The following MDGA2 variants were observed in gnomAD, a reference collection of about 807,000 sequenced individuals.
MDGA2 encodes the protein MAM domain-containing glycosylphosphatidylinositol anchor protein 2.
MDGA2 carries 40 observed loss-of-function variants against 117.8 expected under a neutral mutation model. The observed-to-expected ratio is 0.34, with a 90% confidence interval of 0.26 to 0.44. The LOEUF is 0.44. Among genes scored for constraint, MDGA2 ranks in the 20% least tolerant of loss-of-function variants. MDGA2 has a pLI of 1.00. For missense variants in MDGA2, 1,123 were observed against 1,250.6 expected, an observed-to-expected ratio of 0.90 and a Z score of 1.54; for synonymous variants, 452 against 439.0, an observed-to-expected ratio of 1.03 and a Z score of -0.37.
At chr14:46,956,944 C>T (rs71418121) in intron 9 of MDGA2, among the ~76,000 whole-genome samples, 239 of 152,192 alleles carry the variant, frequency 1.6e-3, no homozygotes, top group Non-Finnish European at 2.7e-3. Context: ...TTGCTGCCAC[C>T]ATGTGAAGTA....
intron 8 of MDGA2, among the ~76,000 whole-genome samples, chr14:46,960,877 G>T (rs983481988): frequency 8.6e-6 from 1 of 116,618 alleles, no homozygotes. Context: ...ATATACACAT[G>T]TTTTATATAT....
chr14:46,886,115 CAT>C (rs1435137837), intron 10 of MDGA2, among the ~76,000 whole-genome samples: 7 of 152,230 alleles, frequency 4.6e-5, no homozygotes, highest in Admixed American at 2.6e-4. Flanking sequence ...GTCTTTCAAA[CAT>C]GTGTCCTTGA....
chr14:47,105,643 G>A (rs185410772), intron 5 of MDGA2, among the ~76,000 whole-genome samples: 3 of 151,714 alleles, frequency 2.0e-5, no homozygotes, highest in South Asian at 4.2e-4. Flanking sequence ...AATTCTTGTC[G>A]TAAAATAGGC....
At chr14:47,513,879 T>C (rs537742781) in intron 1 of MDGA2, among the ~76,000 whole-genome samples, 36 of 152,274 alleles carry the variant, frequency 2.4e-4, no homozygotes, top group African/African-American at 8.4e-4. Context: ...GTACCTTCCC[T>C]CTTTGTGTAA....
At chr14:47,528,971 T>C (rs1444937951) in intron 1 of MDGA2, among the ~76,000 whole-genome samples, 1 of 148,130 alleles carries the variant, frequency 6.8e-6, no homozygotes, top group Non-Finnish European at 1.5e-5. Flanking sequence ...CATTACCTCC[T>C]ATAGTGTCAA....
intron 9 of MDGA2, among the ~76,000 whole-genome samples, chr14:46,943,505 T>C (rs1375929597): frequency 6.6e-6 from 1 of 152,022 alleles, no homozygotes; most frequent in African/African-American, 2.4e-5. Flanking sequence ...TTCAAAAAAC[T>C]TTTGAAGGAT....
At chr14:47,070,331 T>G (rs1290021181) in intron 6 of MDGA2, among the ~76,000 whole-genome samples, 2 of 152,122 alleles carry the variant, frequency 1.3e-5, no homozygotes, top group African/African-American at 4.8e-5. Context: ...ACTTGAAAAT[T>G]TAGAGAAATT....
intron 1 of MDGA2, among the ~76,000 whole-genome samples, chr14:47,582,504 T>A (rs955112798): frequency 6.6e-6 from 1 of 151,948 alleles, no homozygotes; most frequent in African/African-American, 2.4e-5. Flanking sequence ...TTTGGAAACC[T>A]AATCATCTTC....
intron 1 of MDGA2, among the ~76,000 whole-genome samples, chr14:47,360,208 G>A (rs576669212): frequency 2.2e-4 from 33 of 151,788 alleles, no homozygotes; most frequent in African/African-American, 6.3e-4. Flanking sequence ...AAAATTAGCC[G>A]GATGTGGTGG....
At chr14:47,339,332 A>C (rs1401063435) in intron 1 of MDGA2, among the ~76,000 whole-genome samples, 1 of 152,176 alleles carries the variant, frequency 6.6e-6, no homozygotes, top group Non-Finnish European at 1.5e-5. Flanking sequence ...CATAATTAAT[A>C]AAAGTTTAAA....
At position 47,124,850 on chromosome 14, in the gene MDGA2, T is replaced by C. The variant is rs578222410; in HGVS notation, c.925+6864A>G. Among the ~76,000 whole-genome samples the C allele has an allele frequency of 1.9e-3, 287 of 152,040 alleles. 1 individual carries two copies. The highest frequency in any genetic ancestry group is 3.4e-3 in the Middle Eastern group (1 of 294). ...AGCAGCCATCCGCAAGCCAAGAAAATAGCCTTCACCAGAAACCAACCCTGA... is the reference window on the plus strand; with the variant it reads ...AGCAGCCATCCGCAAGCCAAGAAAACAGCCTTCACCAGAAACCAACCCTGA... On this transcript the variant is annotated intron_variant, in intron 5 of 16. Coordinates refer to ENST00000399232, the MANE Select transcript of MDGA2 (RefSeq NM_001113498.3).
At chr14:46,854,960 C>T (rs913726336) in intron 15 of MDGA2, 64 bp downstream of exon 15, 2 of 1,330,740 alleles carry the variant, frequency 1.5e-6, no homozygotes, top group Non-Finnish European at 1.0e-6. Context: ...AATATTTGCT[C>T]AAGATCCACC....
chr14:46,867,477 G>T (rs1881820769), intron 14 of MDGA2, among the ~76,000 whole-genome samples: 1 of 151,964 alleles, frequency 6.6e-6, no homozygotes, highest in Admixed American at 6.6e-5. Context: ...CACCAGCATG[G>T]CACATGTATA....
rs562713429 is a variant in MDGA2 at position 47,443,023 on chromosome 14, C to G, written c.281-141473G>C. Among the ~76,000 whole-genome samples, 34 of 152,228 alleles carry G rather than the reference C, an allele frequency of 2.2e-4. No homozygotes were observed. In the South Asian group the frequency reaches 6.4e-3, roughly 29 times the overall value. On this transcript the variant is annotated intron_variant, in intron 1 of 16. Coordinates refer to ENST00000399232, the MANE Select transcript of MDGA2 (RefSeq NM_001113498.3). ...TTCAAGTACCCTGATTTTACTTAAT[C>G]ATGGCCGCAATGTGCAAAAATAGTG...
intron 2 of MDGA2, among the ~76,000 whole-genome samples, chr14:47,255,389 C>A (rs1887585412): frequency 6.6e-6 from 1 of 152,052 alleles, no homozygotes; most frequent in South Asian, 2.1e-4. Flanking sequence ...GTAGTGGGAT[C>A]CAACAGGTGC....
intron 1 of MDGA2, among the ~76,000 whole-genome samples, chr14:47,519,130 G>A (rs765156031): frequency 3.3e-5 from 5 of 149,968 alleles, no homozygotes; most frequent in Admixed American, 6.6e-5. Context: ...ACTTAGACCC[G>A]GGAGGCGGAG....
At chr14:47,626,678 C>T (rs937576624) in intron 1 of MDGA2, among the ~76,000 whole-genome samples, 18 of 152,118 alleles carry the variant, frequency 1.2e-4, no homozygotes, top group African/African-American at 4.1e-4. Context: ...TCGGCCCGGG[C>T]GGTGAGGGGC....
At chr14:47,170,556 G>C (rs1281593804) in intron 3 of MDGA2, among the ~76,000 whole-genome samples, 5 of 152,074 alleles carry the variant, frequency 3.3e-5, no homozygotes, top group Admixed American at 2.0e-4. Flanking sequence ...TCAAGGATTA[G>C]TCTATTGAAC....
At chr14:47,232,854 AGAGG>A (rs1287198605) in intron 2 of MDGA2, among the ~76,000 whole-genome samples, 1 of 152,168 alleles carries the variant, frequency 6.6e-6, no homozygotes, top group Admixed American at 6.6e-5. Context: ...AATGACAGAA[AGAGG>A]AATGATGGAA....
Sources: gnomAD v4.1 joint callset for allele counts (sites outside exome capture counted in the v4.1 genomes callset) on GRCh38, gnomAD v4.1.1 for gene constraint, MANE v1.5 for transcripts, NCBI Gene and HGNC (gene_info 2026-07-23, HGNC 2026-07-21) for gene names.